MECOM: variants seen among roughly 807,000 people sequenced by gnomAD.
The protein encoded by MECOM is histone-lysine N-methyltransferase MECOM.
Under a neutral mutation model 116.3 loss-of-function variants are expected in MECOM, and 13 were observed. The ratio of observed to expected loss-of-function variants is 0.11; its 90% confidence interval spans 0.07 to 0.18. MECOM has a LOEUF of 0.18. Among genes scored for constraint, MECOM ranks in the 10% least tolerant of loss-of-function variants. The pLI, the probability that MECOM is intolerant of heterozygous loss-of-function variation, is 1.00. For missense variants in MECOM, 1,299 were observed against 1,509.0 expected, an observed-to-expected ratio of 0.86 and a Z score of 2.31; for synonymous variants, 528 against 535.2, an observed-to-expected ratio of 0.99 and a Z score of 0.19.
At chr3:169,310,988 A>T (rs775871529) in intron 2 of MECOM, among the ~76,000 whole-genome samples, 11 of 152,236 alleles carry the variant, frequency 7.2e-5, no homozygotes, top group Non-Finnish European at 1.2e-4. Context: ...CATCTGATTA[A>T]GAAGATACAG....
intron 1 of MECOM, among the ~76,000 whole-genome samples, chr3:169,585,859 A>G (rs1235954715): frequency 6.6e-6 from 1 of 152,242 alleles, no homozygotes; most frequent in African/African-American, 2.4e-5. Context: ...CTATTTAGGA[A>G]TAACAAGTTT....
At chr3:169,275,483 GA>G (rs1759466816) in intron 2 of MECOM, among the ~76,000 whole-genome samples, 2 of 152,172 alleles carry the variant, frequency 1.3e-5, no homozygotes, top group African/African-American at 4.8e-5. Context: ...TATATCTTGT[GA>G]GCAGGAAGAT....
intron 1 of MECOM, among the ~76,000 whole-genome samples, chr3:169,395,812 A>G (rs1734946695): frequency 6.6e-6 from 1 of 152,222 alleles, no homozygotes; most frequent in Non-Finnish European, 1.5e-5. Context: ...GCCATACCTT[A>G]TAGATTGTAA....
chr3:169,587,218 C>A (rs1210053930), intron 1 of MECOM, among the ~76,000 whole-genome samples: 2 of 152,108 alleles, frequency 1.3e-5, no homozygotes, highest in Admixed American at 6.6e-5. Context: ...CCCAATATTT[C>A]CTGTAATACA....
Position 169,490,896 on chromosome 3 carries a change from TG to T in MECOM, c.38-109373del, listed in dbSNP as rs544265838. Among the ~76,000 whole-genome samples, 177 of 152,212 alleles carry T rather than the reference TG, an allele frequency of 1.2e-3. 1 individual carries two copies. Among genetic ancestry groups the T allele is most frequent in the Middle Eastern group, 3.4e-3 (1 of 294 alleles). On this transcript the variant is annotated intron_variant, in intron 1 of 16. Coordinates refer to ENST00000651503, the MANE Select transcript of MECOM (RefSeq NM_004991.4). ...GAAGCATTTCATAATATAAAAAAAA[TG>T]TTTTTTTGTAGTGACAGGGTCTCCT...
chr3:169,291,397 G>A (rs1050250247), intron 2 of MECOM, among the ~76,000 whole-genome samples: 6 of 152,110 alleles, frequency 3.9e-5, no homozygotes, highest in African/African-American at 1.4e-4. Context: ...ATTTTAAACA[G>A]TAAATATAAT....
intron 1 of MECOM, among the ~76,000 whole-genome samples, chr3:169,656,719 T>C (rs1243440857): frequency 6.6e-6 from 1 of 152,236 alleles, no homozygotes; most frequent in African/African-American, 2.4e-5. Context: ...TGTTATGGGC[T>C]TTACCGTGTG....
At chr3:169,657,199 A>C (rs1775639352) in intron 1 of MECOM, among the ~76,000 whole-genome samples, 1 of 152,238 alleles carries the variant, frequency 6.6e-6, no homozygotes, top group Non-Finnish European at 1.5e-5. Context: ...TAAATACACT[A>C]AAGTTACACA....
At chr3:169,541,223 C>T (rs921444630) in intron 1 of MECOM, among the ~76,000 whole-genome samples, 2 of 152,150 alleles carry the variant, frequency 1.3e-5, no homozygotes, top group African/African-American at 4.8e-5. Context: ...TAGGACTATA[C>T]TATGAGGGGC....
chr3:169,184,869 G>A (rs1746494457), intron 2 of MECOM, among the ~76,000 whole-genome samples: 1 of 152,196 alleles, frequency 6.6e-6, no homozygotes, highest in African/African-American at 2.4e-5. Context: ...GGGAAAGGCA[G>A]AGTGATTTGA....
chr3:169,228,697 T>G (rs1341715682), intron 2 of MECOM, among the ~76,000 whole-genome samples: 1 of 152,190 alleles, frequency 6.6e-6, no homozygotes, highest in East Asian at 1.9e-4. Flanking sequence ...CAAGGAATAA[T>G]CCTGTCAGGC....
chr3:169,584,313 C>T (rs1560461258), intron 1 of MECOM, among the ~76,000 whole-genome samples: 1 of 151,968 alleles, frequency 6.6e-6, no homozygotes. Context: ...CTCCTGTAAT[C>T]CCAGCACTTT....
intron 1 of MECOM, among the ~76,000 whole-genome samples, chr3:169,555,801 C>T (rs1037478089): frequency 6.6e-6 from 1 of 152,142 alleles, no homozygotes; most frequent in African/African-American, 2.4e-5. Context: ...TGGAACATAT[C>T]GTATAAAAGC....
At chr3:169,587,882 C>T (rs910854311) in intron 1 of MECOM, among the ~76,000 whole-genome samples, 1 of 152,024 alleles carries the variant, frequency 6.6e-6, no homozygotes, top group Non-Finnish European at 1.5e-5. Flanking sequence ...AAAAAAAATA[C>T]CAAATTTAAA....
rs755701868 is a variant in MECOM, at chr3:169,089,981, A to G, written c.3401+19T>C. On this transcript the variant is annotated intron_variant, in intron 15 of 16. Transcript: ENST00000651503. Reference sequence around the variant, plus strand: ...GGATCTACTCTAGCTTAGTTTCTAAAGTCACCCAAGGTACTCACCTCACTG... The same window carrying G: ...GGATCTACTCTAGCTTAGTTTCTAAGGTCACCCAAGGTACTCACCTCACTG... The G allele has an allele frequency of 8.7e-6, 14 of 1,604,908 alleles. No homozygotes were observed. The highest frequency in any genetic ancestry group is 1.2e-5 in the Non-Finnish European group (14 of 1,176,310).
chr3:169,491,083 C>T (rs1482236626), intron 1 of MECOM, among the ~76,000 whole-genome samples: 2 of 151,960 alleles, frequency 1.3e-5, no homozygotes, highest in Non-Finnish European at 2.9e-5. Flanking sequence ...GTCTTAAACC[C>T]CTGGGCTCAA....
chr3:169,445,903 T>C (rs1305079769), intron 1 of MECOM, among the ~76,000 whole-genome samples: 2 of 152,222 alleles, frequency 1.3e-5, no homozygotes, highest in African/African-American at 4.8e-5. Context: ...CACTGGATTT[T>C]GGACTTGCAT....
intron 3 of MECOM, chr3:169,132,018 A>T: frequency 2.1e-6 from 2 of 967,726 alleles, no homozygotes; most frequent in Non-Finnish European, 2.5e-6. Flanking sequence ...TTGAAAGGAC[A>T]TGACATAAAG....
At chr3:169,564,474 C>T (rs960306054) in intron 1 of MECOM, among the ~76,000 whole-genome samples, 1 of 151,940 alleles carries the variant, frequency 6.6e-6, no homozygotes, top group African/African-American at 2.4e-5. Flanking sequence ...AATATATTTC[C>T]AAATCAAATA....
Sources: gnomAD v4.1 joint callset for allele counts (sites outside exome capture counted in the v4.1 genomes callset) on GRCh38, gnomAD v4.1.1 for gene constraint, MANE v1.5 for transcripts, NCBI Gene and HGNC (gene_info 2026-07-23, HGNC 2026-07-21) for gene names.